The following NRXN1 variants were observed in gnomAD, a reference collection of about 807,000 sequenced individuals.
NRXN1 encodes neurexin-1.
Under a neutral mutation model 150.9 loss-of-function variants are expected in NRXN1, and 39 were observed. The ratio of observed to expected loss-of-function variants is 0.26; its 90% confidence interval spans 0.20 to 0.34. The LOEUF (loss-of-function observed/expected upper bound fraction) is 0.34, where lower values mean the gene tolerates loss of function less well. Among genes scored for constraint, NRXN1 ranks in the 10% least tolerant of loss-of-function variants. The pLI is 1.00. For missense variants in NRXN1, 1,815 were observed against 1,949.9 expected, an observed-to-expected ratio of 0.93 and a Z score of 1.30; for synonymous variants, 924 against 757.0, an observed-to-expected ratio of 1.22 and a Z score of -3.62.
chr2:50,479,325 T>C (rs1308058055), intron 15 of NRXN1, among the ~76,000 whole-genome samples: 1 of 152,170 alleles, frequency 6.6e-6, no homozygotes, highest in Non-Finnish European at 1.5e-5. Context: ...TCTTCTGATG[T>C]TGTTCTTCAA....
intron 21 of NRXN1, among the ~76,000 whole-genome samples, chr2:49,946,954 T>A (rs1053339498): frequency 6.6e-6 from 1 of 152,126 alleles, no homozygotes; most frequent in African/African-American, 2.4e-5. Context: ...ATCATGTAGG[T>A]ATCTTTTTAA....
chr2:50,220,351 A>G (rs2152856961), intron 18 of NRXN1, among the ~76,000 whole-genome samples: 1 of 152,050 alleles, frequency 6.6e-6, no homozygotes, highest in African/African-American at 2.4e-5. Context: ...GGAAAAGACT[A>G]TGCCGTGAGT....
At chr2:50,142,605 TA>T (rs1268600585) in intron 18 of NRXN1, among the ~76,000 whole-genome samples, 3 of 151,728 alleles carry the variant, frequency 2.0e-5, no homozygotes, top group Non-Finnish European at 4.4e-5. Flanking sequence ...GTATATCAAT[TA>T]AAAAAATCAA....
intron 17 of NRXN1, among the ~76,000 whole-genome samples, chr2:50,320,424 T>C (rs1174832907): frequency 6.7e-6 from 1 of 149,998 alleles, no homozygotes; most frequent in Non-Finnish European, 1.5e-5. Context: ...AAAAATGTTA[T>C]ACTTAGAAGA....
chr2:49,922,317 T>C (rs947046012), intron 22 of NRXN1, 66 bp from the exon 23 acceptor site: 2 of 1,388,442 alleles, frequency 1.4e-6, no homozygotes, highest in Non-Finnish European at 2.0e-6. Flanking sequence ...CAGAGAGCTA[T>C]ATTAACATTT....
chr2:50,186,917 A>G (rs183010761), intron 18 of NRXN1, among the ~76,000 whole-genome samples: 71 of 152,186 alleles, frequency 4.7e-4, no homozygotes, highest in Non-Finnish European at 8.7e-4. Context: ...TCCTTCCACA[A>G]TTGTTTATTT....
At chr2:50,921,612 G>C (rs1319146686) in intron 5 of NRXN1, among the ~76,000 whole-genome samples, 1 of 151,466 alleles carries the variant, frequency 6.6e-6, no homozygotes, top group Non-Finnish European at 1.5e-5. Context: ...GAAACTTGTA[G>C]CTAATTTCTA....
At chr2:50,279,840 G>A (rs1274403301) in intron 17 of NRXN1, among the ~76,000 whole-genome samples, 1 of 152,062 alleles carries the variant, frequency 6.6e-6, no homozygotes, top group Non-Finnish European at 1.5e-5. Flanking sequence ...GTAAATATAG[G>A]CTTGAAAATA....
intron 5 of NRXN1, among the ~76,000 whole-genome samples, chr2:50,898,152 G>A (rs1271475870): frequency 6.6e-6 from 1 of 152,214 alleles, no homozygotes; most frequent in East Asian, 1.9e-4. Context: ...GCTCTATTCA[G>A]TCAATGTCTG....
chr2:50,757,015 G>A (rs1185410676), intron 5 of NRXN1, among the ~76,000 whole-genome samples: 1 of 151,840 alleles, frequency 6.6e-6, no homozygotes, highest in Non-Finnish European at 1.5e-5. Flanking sequence ...ATACTAATGT[G>A]AGAAAACGTG....
At chr2:50,516,442 A>G (rs989495858) in intron 12 of NRXN1, among the ~76,000 whole-genome samples, 6 of 152,248 alleles carry the variant, frequency 3.9e-5, no homozygotes, top group Admixed American at 3.9e-4. Flanking sequence ...ACAAGGCTGG[A>G]GGCAAAATTC....
intron 8 of NRXN1, among the ~76,000 whole-genome samples, chr2:50,613,982 A>G (rs1678615600): frequency 6.6e-6 from 1 of 152,302 alleles, no homozygotes; most frequent in East Asian, 1.9e-4. Flanking sequence ...CTATAATGAT[A>G]TGGTAAGTAA....
chr2:50,277,434 TTCC>T (rs2070683349), intron 17 of NRXN1, among the ~76,000 whole-genome samples: 1 of 148,802 alleles, frequency 6.7e-6, no homozygotes, highest in South Asian at 2.2e-4. Flanking sequence ...CCTCCCTCCC[TTCC>T]TCCTTCCCTC....
chr2:50,138,710 G>A (rs1706787207), intron 18 of NRXN1, among the ~76,000 whole-genome samples: 1 of 152,136 alleles, frequency 6.6e-6, no homozygotes, highest in Non-Finnish European at 1.5e-5. Context: ...ATTTAACAGT[G>A]GTTACTGTGG....
chr2:50,439,331 A>G (rs928235233), intron 17 of NRXN1, among the ~76,000 whole-genome samples: 20 of 152,246 alleles, frequency 1.3e-4, no homozygotes, highest in African/African-American at 4.8e-4. Context: ...AACATAGAGA[A>G]ACATAATAAA....
chr2:49,965,910 T>G (rs955836201), intron 21 of NRXN1, among the ~76,000 whole-genome samples: 1 of 152,222 alleles, frequency 6.6e-6, no homozygotes, highest in Non-Finnish European at 1.5e-5. Flanking sequence ...TATGTATTGA[T>G]ATAAAGCCTA....
At chr2:50,521,841 A>T (rs146710213) in intron 12 of NRXN1, among the ~76,000 whole-genome samples, 5 of 152,308 alleles carry the variant, frequency 3.3e-5, no homozygotes, top group Admixed American at 6.5e-5. Flanking sequence ...CAGTGGATCC[A>T]ATTGGATCCA....
At chr2:50,495,338 A>T (rs1381306658) in intron 15 of NRXN1, among the ~76,000 whole-genome samples, 1 of 125,686 alleles carries the variant, frequency 8.0e-6, no homozygotes, top group African/African-American at 3.1e-5. Flanking sequence ...TGGTGAAAGA[A>T]GCATTCCGTG....
intron 21 of NRXN1, among the ~76,000 whole-genome samples, chr2:49,960,873 A>G (rs1675817250): frequency 6.6e-6 from 1 of 152,148 alleles, no homozygotes; most frequent in South Asian, 2.1e-4. Context: ...TTCTTGACAA[A>G]AGCATTCTTT....
Sources: gnomAD v4.1 joint callset for allele counts (sites outside exome capture counted in the v4.1 genomes callset) on GRCh38, gnomAD v4.1.1 for gene constraint, MANE v1.5 for transcripts, NCBI Gene and HGNC (gene_info 2026-07-23, HGNC 2026-07-21) for gene names.